Variants in ADAMTSL3 observed in about 807,000 individuals in gnomAD.
ADAMTSL3 encodes the protein ADAMTS like 3.
Under a neutral mutation model 201.7 loss-of-function variants are expected in ADAMTSL3, and 128 were observed. That is an observed-to-expected ratio of 0.63 (90% CI 0.55 to 0.73). ADAMTSL3 has a LOEUF of 0.73. Ranked by LOEUF, ADAMTSL3 falls within the 30% of genes least tolerant of loss-of-function variation. ADAMTSL3 has a pLI of 0.00. For missense variants in ADAMTSL3, 1,990 were observed against 2,119.6 expected (o/e 0.94, Z 1.20); for synonymous variants, 738 against 748.4 (o/e 0.99, Z 0.23).
At chr15:83,872,914 G>A (rs1440023531) in intron 9 of ADAMTSL3, among the ~76,000 whole-genome samples, 1 of 145,342 alleles carries the variant, frequency 6.9e-6, no homozygotes, top group African/African-American at 2.6e-5. Context: ...AAAATAATTT[G>A]GAAGGATACA....
intron 3 of ADAMTSL3, among the ~76,000 whole-genome samples, chr15:83,726,426 C>T (rs145912160): frequency 6.6e-6 from 1 of 152,194 alleles, no homozygotes; most frequent in African/African-American, 2.4e-5. Flanking sequence ...AATTCCAGTA[C>T]TACGTTGAAT....
intron 3 of ADAMTSL3, among the ~76,000 whole-genome samples, chr15:83,735,182 G>A (rs988880141): frequency 6.6e-6 from 1 of 152,114 alleles, no homozygotes; most frequent in Admixed American, 6.5e-5. Flanking sequence ...GTGACAAAGA[G>A]AAGAATAAAG....
chr15:83,655,781 C>T lies in ADAMTSL3; in HGVS notation c.20C>T (p.Pro7Leu), dbSNP rs776385411. MASWTSPWWVLIGMVFM... is the reference protein window; with the variant it reads MASWTSLWWVLIGMVFM... ...GACCCCATGGCTTCCTGGACGAGCC[C>T]CTGGTGGGTGCTGATAGGGATGGTC... Residue 7 changes from proline (P) to leucine (L), a missense_variant, in exon 2 of 30, where the codon CCC becomes CTC. Physicochemically the swap from Pro to Leu is moderately conservative, Grantham distance 98. Transcript: ENST00000286744. The T allele has an allele frequency of 1.0e-4, 165 of 1,613,984 alleles. No individual in the cohort carries two copies. The highest frequency in any genetic ancestry group is 1.3e-4 in the Non-Finnish European group (157 of 1,180,018).
chr15:84,023,354 T>TTA (rs756675181), intron 26 of ADAMTSL3, among the ~76,000 whole-genome samples: 15 of 152,214 alleles, frequency 9.9e-5, no homozygotes, highest in Non-Finnish European at 2.2e-4. Context: ...ATGTTTAATG[T>TTA]TATATAGCTC....
chr15:83,728,154 A>T (rs943020869), intron 3 of ADAMTSL3, among the ~76,000 whole-genome samples: 6 of 151,686 alleles, frequency 4.0e-5, no homozygotes, highest in African/African-American at 1.5e-4. Context: ...GTCTTGAAAT[A>T]TATTTTGTTT....
intron 19 of ADAMTSL3, among the ~76,000 whole-genome samples, chr15:83,947,174 TG>T (rs1269766599): frequency 4.2e-4 from 63 of 150,670 alleles, no homozygotes; most frequent in African/African-American, 1.5e-3. Flanking sequence ...CCTTCTGCCA[TG>T]GGATGGCTCA....
rs367820860 is a variant in ADAMTSL3, at chr15:83,934,888, T to C, written c.2118-7708T>C. Among the ~76,000 whole-genome samples, 12 of 152,312 alleles carry C rather than the reference T, an allele frequency of 7.9e-5. No homozygotes were observed. In the East Asian group the frequency reaches 2.3e-3, roughly 29 times the overall value. ...CCATAAAAAAGAATGAAATCTTGTCTTTTGCAGCAACATGGATGCAACTGG... is the reference window on the plus strand; with the variant it reads ...CCATAAAAAAGAATGAAATCTTGTCCTTTGCAGCAACATGGATGCAACTGG... On this transcript the variant is annotated intron_variant, in intron 17 of 29. Coordinates refer to ENST00000286744, the MANE Select transcript of ADAMTSL3 (RefSeq NM_207517.3).
At chr15:83,678,920 TTA>T (rs1215140115) in intron 2 of ADAMTSL3, among the ~76,000 whole-genome samples, 3 of 147,826 alleles carry the variant, frequency 2.0e-5, no homozygotes, top group East Asian at 3.9e-4. Context: ...AATATATATT[TTA>T]TATATATATA....
At chr15:83,753,756 A>G (rs1381331017) in intron 3 of ADAMTSL3, among the ~76,000 whole-genome samples, 1 of 152,016 alleles carries the variant, frequency 6.6e-6, no homozygotes, top group African/African-American at 2.4e-5. Context: ...AGAGCTTTCT[A>G]TGGTTATCTT....
chr15:83,941,282 T>C (rs1596445771), intron 17 of ADAMTSL3, among the ~76,000 whole-genome samples: 1 of 151,920 alleles, frequency 6.6e-6, no homozygotes, highest in Non-Finnish European at 1.5e-5. Flanking sequence ...AGGAGGTGTT[T>C]ATAATAGAAA....
chr15:83,852,039 C>T (rs2064626098), intron 7 of ADAMTSL3, among the ~76,000 whole-genome samples: 1 of 152,088 alleles, frequency 6.6e-6, no homozygotes, highest in South Asian at 2.1e-4. Flanking sequence ...CAGAATTGAT[C>T]ATTAGGTATA....
In ADAMTSL3 at chr15:83,819,882, G is replaced by A. The variant is rs2063832937; in HGVS notation, c.435G>A (p.Gly145=). ...CCTACAATGATGTCCAGTATCAGGG[G>A]CATTACTATGAATGGCTTCCACGAT... ...CSAYNDVQYQ[G]HYYEWLPRYN... The change falls in exon 6 of 30, where the codon GGG becomes GGA. Residue 145 remains glycine, a synonymous_variant. Coordinates refer to ENST00000286744, the MANE Select transcript of ADAMTSL3 (RefSeq NM_207517.3). 1.9e-6 allele frequency: 3 copies of A among 1,613,936 alleles called. No homozygotes were observed. In the South Asian group the frequency reaches 3.3e-5, roughly 18 times the overall value.
chr15:83,883,641 A>C (rs1458075182), intron 9 of ADAMTSL3, among the ~76,000 whole-genome samples: 2 of 150,790 alleles, frequency 1.3e-5, no homozygotes, highest in Non-Finnish European at 3.0e-5. Context: ...CTGTAGCCTC[A>C]AACTCCTGGA....
intron 20 of ADAMTSL3, among the ~76,000 whole-genome samples, chr15:83,980,288 G>A (rs61578903): frequency 0.014 from 2,133 of 152,224 alleles, 55 homozygotes; most frequent in African/African-American, 0.048. Context: ...TTAACACTTC[G>A]TACCATAGTA....
intron 19 of ADAMTSL3, 144 bp downstream of exon 19, chr15:83,943,226 ACT>A (rs2066596941): frequency 1.1e-6 from 1 of 928,512 alleles, no homozygotes; most frequent in Non-Finnish European, 1.5e-6. Context: ...GTGCTCACTC[ACT>A]CTCGGGTTTG....
chr15:83,734,311 C>T (rs2062335004), intron 3 of ADAMTSL3, among the ~76,000 whole-genome samples: 1 of 152,096 alleles, frequency 6.6e-6, no homozygotes, highest in East Asian at 1.9e-4. Context: ...ATTGAGTTAC[C>T]TATTATGTGA....
chr15:84,028,292 G>GCTAGCTAATATAAGACAAATCA, intron 27 of ADAMTSL3, among the ~76,000 whole-genome samples: 1 of 151,854 alleles, frequency 6.6e-6, no homozygotes, highest in Middle Eastern at 3.2e-3. Context: ...AAGACAAATC[G>GCTAGCTAATATAAGACAAATCA]GCTAGCTAAT....
intron 27 of ADAMTSL3, 96 bp from the exon 28 acceptor site, chr15:84,031,239 T>C: frequency 8.3e-7 from 1 of 1,209,442 alleles, no homozygotes; most frequent in South Asian, 1.3e-5. Context: ...CCCCTTGTAA[T>C]AGGTCTTCAG....
intron 7 of ADAMTSL3, 47 bp from the exon 8 acceptor site, chr15:83,858,719 C>A: frequency 1.4e-6 from 2 of 1,439,370 alleles, no homozygotes; most frequent in Non-Finnish European, 1.9e-6. Context: ...TTTTCATGGG[C>A]CTTTAGTGTA....
Sources: gnomAD v4.1 joint callset for allele counts (sites outside exome capture counted in the v4.1 genomes callset) on GRCh38, gnomAD v4.1.1 for gene constraint, MANE v1.5 for transcripts, NCBI Gene and HGNC (gene_info 2026-07-23, HGNC 2026-07-21) for gene names.